IMMP2L: variants seen among roughly 807,000 people sequenced by gnomAD.
IMMP2L encodes the protein inner mitochondrial membrane peptidase subunit 2.
A neutral mutation model predicts 19.3 loss-of-function variants in IMMP2L; 18 were observed. The observed-to-expected ratio is 0.93, with a 90% CI of 0.64 to 1.38. The LOEUF is 1.38. Among genes scored for constraint, IMMP2L ranks in the 40% most tolerant of loss-of-function variants. The pLI, the probability that IMMP2L is intolerant of heterozygous loss-of-function variation, is 0.00. For synonymous variants in IMMP2L, 76 were observed against 73.0 expected, an observed-to-expected ratio of 1.04 and a Z score of -0.21; for missense variants, 233 against 218.2, an observed-to-expected ratio of 1.07 and a Z score of -0.43.
chr7:111,167,434 C>T (rs1043076300), intron 3 of IMMP2L, among the ~76,000 whole-genome samples: 2 of 151,920 alleles, frequency 1.3e-5, no homozygotes, highest in African/African-American at 2.4e-5. Context: ...TTGCACAAAA[C>T]CTTGCTGGTT....
intron 5 of IMMP2L, among the ~76,000 whole-genome samples, chr7:110,734,147 G>T (rs768036266): frequency 3.3e-5 from 5 of 152,194 alleles, no homozygotes; most frequent in African/African-American, 4.8e-5. Context: ...CATGAACAGA[G>T]GGGCATTGAG....
At chr7:111,358,476 T>C (rs1371077473) in intron 3 of IMMP2L, among the ~76,000 whole-genome samples, 1 of 151,990 alleles carries the variant, frequency 6.6e-6, no homozygotes, top group East Asian at 1.9e-4. Context: ...CTTGGCTTCT[T>C]CCCTAACACA....
rs34643951 is a variant in IMMP2L at position 111,123,672 on chromosome 7, C to A, written c.240-160107G>T. On this transcript the variant is annotated intron_variant, in intron 3 of 5. Coordinates refer to ENST00000405709, the MANE Select transcript of IMMP2L (RefSeq NM_032549.4). This position sits in a 1 kb window ranked among gnomAD's most constrained non-coding sequence, Gnocchi z 6.4. The stretch of plus-strand genomic sequence containing the variant: ...ATAATATGCCTGAGCTGATTTCCAT[C>A]GATAGTCTTGCTGTGGATAACCTGC... 1.4e-5 allele frequency: 23 copies of A among 1,613,714 alleles called. No individual in the cohort carries two copies. Among genetic ancestry groups the A allele is most frequent in the Non-Finnish European group, 1.9e-5 (23 of 1,179,940 alleles).
chr7:111,438,739 C>T (rs1837435232), intron 3 of IMMP2L, among the ~76,000 whole-genome samples: 1 of 151,804 alleles, frequency 6.6e-6, no homozygotes, highest in African/African-American at 2.4e-5. Context: ...CGCTTCTTCC[C>T]AGAAGATAGA....
chr7:111,006,449 A>G (rs1465768235), intron 3 of IMMP2L, among the ~76,000 whole-genome samples: 1 of 152,200 alleles, frequency 6.6e-6, no homozygotes, highest in African/African-American at 2.4e-5. Context: ...CAACTAGTTT[A>G]ATCCCTTGAA....
At chr7:110,827,435 C>A (rs990030006) in intron 5 of IMMP2L, among the ~76,000 whole-genome samples, 1 of 152,176 alleles carries the variant, frequency 6.6e-6, no homozygotes, top group African/African-American at 2.4e-5. Context: ...TATACCTTCA[C>A]TCATCAAGCA....
At chr7:110,729,422 A>T (rs1002796640) in intron 5 of IMMP2L, among the ~76,000 whole-genome samples, 1 of 152,144 alleles carries the variant, frequency 6.6e-6, no homozygotes, top group Non-Finnish European at 1.5e-5. Context: ...GAACTCACTC[A>T]CTATCACGAG....
intron 3 of IMMP2L, among the ~76,000 whole-genome samples, chr7:111,334,739 G>A (rs1400464829): frequency 6.6e-6 from 1 of 152,056 alleles, no homozygotes; most frequent in Non-Finnish European, 1.5e-5. Context: ...CTCCCTAGAA[G>A]TTGATGGCAC....
intron 5 of IMMP2L, among the ~76,000 whole-genome samples, chr7:110,678,549 T>C (rs1271654672): frequency 6.6e-6 from 1 of 151,882 alleles, no homozygotes; most frequent in Non-Finnish European, 1.5e-5. Flanking sequence ...ATACAGAAGG[T>C]AATGGACATG....
chr7:111,075,464 T>C (rs1021096653), intron 3 of IMMP2L, among the ~76,000 whole-genome samples: 15 of 152,178 alleles, frequency 9.9e-5, no homozygotes, highest in Non-Finnish European at 7.3e-5. Context: ...TTTATATCTA[T>C]CATAAATGAA....
rs191935526 is a variant in IMMP2L at position 110,783,593 on chromosome 7, T to G, written c.408+103000A>C. On this transcript the variant is annotated intron_variant, in intron 5 of 5. Coordinates refer to ENST00000405709, the MANE Select transcript of IMMP2L (RefSeq NM_032549.4). ...TCCTGGTATATATAGACAGTCTTAC[T>G]CAATGGAAGTGTGAATGTTTAAGTA... 6.2e-3 allele frequency among the ~76,000 whole-genome samples: 926 copies of G among 149,748 alleles called. 8 individuals are homozygous for G. Among genetic ancestry groups the G allele is most frequent in the African/African-American group, 0.021 (867 of 41,384 alleles).
intron 3 of IMMP2L, chr7:111,390,547 T>A (rs1832245807): frequency 6.6e-6 from 1 of 152,178 alleles, no homozygotes; most frequent in South Asian, 2.1e-4. Flanking sequence ...AGGTAAATTC[T>A]GTCTCTAAAT....
chr7:111,259,835 TTTTAAAAAATGTTTTAAATATTTTCC>T (rs1407114200), intron 3 of IMMP2L, among the ~76,000 whole-genome samples: 1 of 152,178 alleles, frequency 6.6e-6, no homozygotes, highest in Non-Finnish European at 1.5e-5. Flanking sequence ...ATATTTTCTT[TTTTAAAAAATGTTTTAAATATTTTCC>T]TTAAAAACTA....
At chr7:110,672,946 T>C (rs1490888512) in intron 5 of IMMP2L, among the ~76,000 whole-genome samples, 2 of 152,138 alleles carry the variant, frequency 1.3e-5, no homozygotes, top group African/African-American at 4.8e-5. Context: ...CATTTTGGGG[T>C]CTGGAGGATG....
At chr7:111,132,347 A>G (rs1801928088) in intron 3 of IMMP2L, among the ~76,000 whole-genome samples, 3 of 152,000 alleles carry the variant, frequency 2.0e-5, no homozygotes, top group Non-Finnish European at 4.4e-5. Flanking sequence ...ATTACAGGAA[A>G]ATACAGAATG....
intron 3 of IMMP2L, among the ~76,000 whole-genome samples, chr7:111,369,848 C>T (rs1830107246): frequency 6.6e-6 from 1 of 151,830 alleles, no homozygotes. Context: ...GAACAACTAT[C>T]ATGGCAGTCA....
intron 2 of IMMP2L, among the ~76,000 whole-genome samples, chr7:111,519,868 T>TG (rs1013174669): frequency 2.6e-4 from 40 of 152,008 alleles, no homozygotes; most frequent in African/African-American, 9.4e-4. Context: ...GTAACAAAAT[T>TG]GGGGGAAAAA....
At chr7:111,238,240 CTGGA>C (rs1365118292) in intron 3 of IMMP2L, among the ~76,000 whole-genome samples, 1 of 151,886 alleles carries the variant, frequency 6.6e-6, no homozygotes, top group Non-Finnish European at 1.5e-5. Context: ...GGCTGGAAGT[CTGGA>C]AATAGATGAT....
At chr7:110,940,227 G>A (rs1478361481) in intron 4 of IMMP2L, among the ~76,000 whole-genome samples, 1 of 151,426 alleles carries the variant, frequency 6.6e-6, no homozygotes, top group Non-Finnish European at 1.5e-5. Context: ...GGTGAGGCAG[G>A]AGAATTGCTT....
Sources: gnomAD v4.1 joint callset for allele counts (sites outside exome capture counted in the v4.1 genomes callset) on GRCh38, gnomAD v4.1.1 for gene constraint, Gnocchi (gnomAD v3.1) non-coding constraint, MANE v1.5 for transcripts, NCBI Gene and HGNC (gene_info 2026-07-23, HGNC 2026-07-21) for gene names.